CNTN5: variants seen among roughly 807,000 people sequenced by gnomAD.
CNTN5 encodes contactin-5.
CNTN5 carries 77 observed loss-of-function variants against 129.1 expected under a neutral mutation model. That is an observed-to-expected ratio of 0.60 (90% CI 0.50 to 0.72). The LOEUF is 0.72. Ranked by LOEUF, CNTN5 falls within the 30% of genes least tolerant of loss-of-function variation. The pLI is 0.00. For synonymous variants in CNTN5, 509 were observed against 465.6 expected (o/e 1.09, Z -1.20); for missense variants, 1,478 against 1,328.8 (o/e 1.11, Z -1.75).
At chr11:100,193,981 G>A (rs932303433) in intron 15 of CNTN5, among the ~76,000 whole-genome samples, 2 of 151,782 alleles carry the variant, frequency 1.3e-5, no homozygotes, top group Non-Finnish European at 2.9e-5. Flanking sequence ...TTAAAGCATC[G>A]TTAACAGTAA....
intron 3 of CNTN5, among the ~76,000 whole-genome samples, chr11:99,616,863 C>G (rs1322165275): frequency 6.6e-6 from 1 of 152,222 alleles, no homozygotes; most frequent in African/African-American, 2.4e-5. Context: ...GTAATCCCAG[C>G]ACTTTGGGAG....
chr11:99,735,999 A>G lies in CNTN5; in HGVS notation c.56-83545A>G, dbSNP rs866933670. Among the ~76,000 whole-genome samples the G allele has an allele frequency of 3.3e-5, 5 of 149,630 alleles. No individual in the cohort carries two copies. The Middle Eastern group carries it at 0.014, about 421-fold the overall frequency. Reference sequence around the variant, plus strand: ...TCTACGAACTGAATAGCTCCTCTTGATTTCTTTTTCTTTCTCTTTTTTTTC... The same window carrying G: ...TCTACGAACTGAATAGCTCCTCTTGGTTTCTTTTTCTTTCTCTTTTTTTTC... On this transcript the variant is annotated intron_variant, in intron 3 of 24. Coordinates refer to ENST00000524871, the MANE Select transcript of CNTN5 (RefSeq NM_014361.4).
intron 2 of CNTN5, among the ~76,000 whole-genome samples, chr11:99,356,823 G>T (rs143801503): frequency 2.6e-3 from 398 of 152,236 alleles, no homozygotes; most frequent in African/African-American, 8.9e-3. Context: ...ATTTGGCAGG[G>T]TTTGATTCAG....
At chr11:99,689,250 G>A (rs1285178851) in intron 3 of CNTN5, among the ~76,000 whole-genome samples, 12 of 152,028 alleles carry the variant, frequency 7.9e-5, no homozygotes, top group East Asian at 1.9e-4. Flanking sequence ...CCTGAGGGCC[G>A]GGCGTGGTGG....
At chr11:99,465,050 C>T (rs1247109272) in intron 2 of CNTN5, among the ~76,000 whole-genome samples, 1 of 152,162 alleles carries the variant, frequency 6.6e-6, no homozygotes, top group Non-Finnish European at 1.5e-5. Context: ...AATGATTCAG[C>T]TTGAGAACGG....
At chr11:99,678,610 G>A (rs747597722) in intron 3 of CNTN5, among the ~76,000 whole-genome samples, 4 of 151,914 alleles carry the variant, frequency 2.6e-5, no homozygotes, top group Non-Finnish European at 5.9e-5. Context: ...GAGCTCCAAT[G>A]GCCACTGCAA....
intron 1 of CNTN5, among the ~76,000 whole-genome samples, chr11:99,082,796 G>T (rs1368792885): frequency 1.3e-5 from 2 of 152,022 alleles, no homozygotes; most frequent in Non-Finnish European, 2.9e-5. Flanking sequence ...AAATGTTTCA[G>T]AAGAGTTTCA....
intron 9 of CNTN5, among the ~76,000 whole-genome samples, chr11:100,049,597 C>A (rs79957115): frequency 2.0e-5 from 3 of 151,862 alleles, no homozygotes; most frequent in African/African-American, 7.3e-5. Context: ...CCAAAAGCAA[C>A]GGCAACAAAA....
In CNTN5 at chr11:99,052,967, TACACAG is replaced by T. The variant is rs1408635422; in HGVS notation, c.-210+31698_-210+31703del. The stretch of plus-strand genomic sequence containing the variant: ...AAACTTTATTAAAATTTGACTCTAG[TACACAG>T]TGAAATCTCAGCTCCAGAGCTTGAC... On this transcript the variant is annotated intron_variant, in intron 1 of 24. Transcript: ENST00000524871. 2.6e-5 allele frequency among the ~76,000 whole-genome samples: 4 copies of T among 151,492 alleles called. No individual in the cohort carries two copies. The East Asian group carries it at 7.7e-4, about 29-fold the overall frequency.
chr11:99,894,994 T>C (rs977229072), intron 6 of CNTN5, among the ~76,000 whole-genome samples: 1 of 152,220 alleles, frequency 6.6e-6, no homozygotes, highest in African/African-American at 2.4e-5. Context: ...AATTTGTAGT[T>C]AGCACTTCCT....
intron 6 of CNTN5, among the ~76,000 whole-genome samples, chr11:99,882,592 G>A (rs11221746): frequency 6.6e-6 from 1 of 151,910 alleles, no homozygotes; most frequent in Non-Finnish European, 1.5e-5. Flanking sequence ...TACATAGTAG[G>A]TGTATGTGTT....
intron 3 of CNTN5, among the ~76,000 whole-genome samples, chr11:99,731,465 G>A (rs551283095): frequency 5.3e-4 from 80 of 152,260 alleles, no homozygotes; most frequent in African/African-American, 1.8e-3. Flanking sequence ...TTTTAAAGAT[G>A]ATTGCAGTCT....
At chr11:99,957,106 A>T in intron 8 of CNTN5, 97 bp downstream of exon 8, 2 of 1,072,374 alleles carry the variant, frequency 1.9e-6, no homozygotes, top group Non-Finnish European at 1.3e-6. Flanking sequence ...GGAACTTACA[A>T]ATAAAATAAA....
intron 4 of CNTN5, among the ~76,000 whole-genome samples, chr11:99,830,262 C>T (rs1244534956): frequency 1.3e-5 from 2 of 152,034 alleles, no homozygotes; most frequent in African/African-American, 4.8e-5. Flanking sequence ...TCTTTAATTC[C>T]CTCAATGGTA....
chr11:100,298,355 G>T (rs1258790686), intron 19 of CNTN5, among the ~76,000 whole-genome samples: 1 of 151,170 alleles, frequency 6.6e-6, no homozygotes, highest in African/African-American at 2.4e-5. Context: ...GTCTACAGAG[G>T]TATTAACTTT....
chr11:99,356,189 C>A (rs1293963547), intron 2 of CNTN5, among the ~76,000 whole-genome samples: 1 of 64,476 alleles, frequency 1.6e-5, no homozygotes, highest in Non-Finnish European at 2.8e-5. Flanking sequence ...GCCTTAACCA[C>A]CCCCCCCCAA....
At chr11:99,622,907 C>T (rs1951000911) in intron 3 of CNTN5, among the ~76,000 whole-genome samples, 1 of 151,866 alleles carries the variant, frequency 6.6e-6, no homozygotes, top group South Asian at 2.1e-4. Context: ...AAACATAACC[C>T]TCCAACATTA....
At chr11:99,168,997 T>C (rs1168794525) in intron 1 of CNTN5, among the ~76,000 whole-genome samples, 1 of 152,214 alleles carries the variant, frequency 6.6e-6, no homozygotes, top group Non-Finnish European at 1.5e-5. Flanking sequence ...CTATTCTTTC[T>C]TCGCACAACT....
At chr11:99,471,283 C>T (rs1945162281) in intron 2 of CNTN5, among the ~76,000 whole-genome samples, 1 of 152,018 alleles carries the variant, frequency 6.6e-6, no homozygotes, top group Non-Finnish European at 1.5e-5. Flanking sequence ...CTTCCAAACC[C>T]AATCAAACAA....
Sources: gnomAD v4.1 joint callset for allele counts (sites outside exome capture counted in the v4.1 genomes callset) on GRCh38, gnomAD v4.1.1 for gene constraint, MANE v1.5 for transcripts, NCBI Gene and HGNC (gene_info 2026-07-23, HGNC 2026-07-21) for gene names.